Variants in GABRG3 observed in about 807,000 individuals in gnomAD.
GABRG3 encodes the protein gamma-aminobutyric acid type A receptor subunit gamma3, also known as gamma-aminobutyric acid receptor subunit gamma-3.
Under a neutral mutation model 48.8 loss-of-function variants are expected in GABRG3, and 25 were observed. The observed-to-expected ratio is 0.51, with a 90% confidence interval of 0.37 to 0.72. The LOEUF is 0.72. GABRG3 is among the 30% of genes least tolerant of loss of function. The pLI is 0.00. For missense variants in GABRG3, 394 were observed against 577.9 expected (o/e 0.68, Z 3.26); for synonymous variants, 227 against 217.6 (o/e 1.04, Z -0.38).
At chr15:27,187,795 T>G (rs1888145898) in intron 3 of GABRG3, among the ~76,000 whole-genome samples, 1 of 152,078 alleles carries the variant, frequency 6.6e-6, no homozygotes, top group South Asian at 2.1e-4. Context: ...GTTACATATG[T>G]ATACATGTGA....
At chr15:27,417,588 A>G (rs531809475) in intron 5 of GABRG3, among the ~76,000 whole-genome samples, 71 of 152,070 alleles carry the variant, frequency 4.7e-4, no homozygotes, top group African/African-American at 1.7e-3. Context: ...CGGCCTTCAC[A>G]GTGTGTCCGC....
At chr15:27,408,315 T>A (rs1417015567) in intron 5 of GABRG3, among the ~76,000 whole-genome samples, 1 of 152,174 alleles carries the variant, frequency 6.6e-6, no homozygotes, top group Non-Finnish European at 1.5e-5. Flanking sequence ...AGCCCCCAGA[T>A]GTATTGAATA....
intron 3 of GABRG3, among the ~76,000 whole-genome samples, chr15:27,118,218 C>G (rs1368549787): frequency 6.6e-6 from 1 of 152,118 alleles, no homozygotes; most frequent in African/African-American, 2.4e-5. Flanking sequence ...ATTTGTGGTA[C>G]TTCTCAAAAG....
chr15:26,998,457 G>T (rs1046611944), intron 2 of GABRG3, among the ~76,000 whole-genome samples: 2 of 152,150 alleles, frequency 1.3e-5, no homozygotes, highest in Non-Finnish European at 2.9e-5. Flanking sequence ...TGCACAACAG[G>T]CATTGGGGTG....
At chr15:27,096,807 C>T (rs4398085) in intron 3 of GABRG3, among the ~76,000 whole-genome samples, 39,240 of 150,348 alleles carry the variant, frequency 0.26, 5,300 homozygotes, top group Middle Eastern at 0.33. Flanking sequence ...TTGTGAACCA[C>T]ACAAATGAGA....
At chr15:27,000,477 A>G (rs1292999300) in intron 2 of GABRG3, among the ~76,000 whole-genome samples, 5 of 152,152 alleles carry the variant, frequency 3.3e-5, no homozygotes, top group African/African-American at 1.2e-4. Flanking sequence ...CTCATATTCA[A>G]TTGTAATTCC....
At chr15:27,091,851 A>G (rs976868260) in intron 3 of GABRG3, among the ~76,000 whole-genome samples, 12 of 152,194 alleles carry the variant, frequency 7.9e-5, no homozygotes, top group Admixed American at 2.6e-4. Context: ...GAGCTACGGC[A>G]AGCTAAAATC....
At chr15:26,973,099 C>T (rs921812712) in intron 1 of GABRG3, among the ~76,000 whole-genome samples, 1 of 152,204 alleles carries the variant, frequency 6.6e-6, no homozygotes, top group African/African-American at 2.4e-5. Context: ...TTGCCACCAA[C>T]TCAAACGAGT....
rs940168627 is a variant in GABRG3, at chr15:27,233,282, G to A, written c.271-93527G>A. 1.5e-4 allele frequency among the ~76,000 whole-genome samples: 23 copies of A among 152,068 alleles called. 1 individual carries two copies. The highest frequency in any genetic ancestry group is 2.4e-5 in the African/African-American group (1 of 41,402). ...ATTTCGTGGAACCTTTCTAGCGAGC[G>A]TGAAAACCTTTCTAGCGAGCATAAA... On this transcript the variant is annotated intron_variant, in intron 3 of 9. Coordinates refer to ENST00000615808, the MANE Select transcript of GABRG3 (RefSeq NM_033223.5).
intron 3 of GABRG3, among the ~76,000 whole-genome samples, chr15:27,218,215 G>T (rs1889330160): frequency 6.6e-6 from 1 of 151,928 alleles, no homozygotes; most frequent in African/African-American, 2.4e-5. Context: ...TTAAAGATGA[G>T]GTCTCACCAT....
At chr15:27,315,787 A>G (rs1376019988) in intron 3 of GABRG3, among the ~76,000 whole-genome samples, 2 of 152,228 alleles carry the variant, frequency 1.3e-5, no homozygotes, top group Admixed American at 1.3e-4. Context: ...TCTTAGATTT[A>G]TGTGATGATT....
intron 3 of GABRG3, among the ~76,000 whole-genome samples, chr15:27,147,097 T>C (rs1898222840): frequency 6.6e-6 from 1 of 152,050 alleles, no homozygotes; most frequent in South Asian, 2.1e-4. Flanking sequence ...AGAAGTAAGA[T>C]ATACCATGAC....
rs921433304 is a variant in GABRG3, at chr15:27,537,369, G to C, written c.*4488G>C. On this transcript the variant is annotated 3_prime_UTR_variant, in exon 10 of 10. Coordinates refer to ENST00000615808, the MANE Select transcript of GABRG3 (RefSeq NM_033223.5). ...CTTCCAATTTCCCAAAATTGAGAAA[G>C]TGTGTAATCTGTACCTATTTTTTTT... 6.6e-6 allele frequency: 1 copy of C among 152,190 alleles called. No individual in the cohort carries two copies. Among genetic ancestry groups the C allele is most frequent in the East Asian group, 1.9e-4 (1 of 5,188 alleles). 9.4% of individuals were successfully genotyped at this position (152,190 alleles called of 1,614,324 possible).
At chr15:26,985,608 C>G (rs1419669767) in intron 2 of GABRG3, among the ~76,000 whole-genome samples, 1 of 152,060 alleles carries the variant, frequency 6.6e-6, no homozygotes, top group African/African-American at 2.4e-5. Context: ...GGGCCACCTC[C>G]AAGAGGATTG....
intron 5 of GABRG3, among the ~76,000 whole-genome samples, chr15:27,385,972 G>T (rs138877710): frequency 1.3e-5 from 2 of 152,122 alleles, no homozygotes; most frequent in African/African-American, 4.8e-5. Context: ...TGAAAACTGC[G>T]TATTTTAGAT....
intron 3 of GABRG3, among the ~76,000 whole-genome samples, chr15:27,280,868 A>G (rs547042469): frequency 5.3e-5 from 8 of 152,256 alleles, no homozygotes; most frequent in Admixed American, 1.3e-4. Flanking sequence ...TAACCCTTTT[A>G]TATTCTCACT....
intron 3 of GABRG3, among the ~76,000 whole-genome samples, chr15:27,204,379 G>C (rs1888788148): frequency 6.6e-6 from 1 of 151,914 alleles, no homozygotes; most frequent in African/African-American, 2.4e-5. Context: ...TTTATTTCTG[G>C]TTTCTCTGAC....
rs1247959512 is a variant in GABRG3, at chr15:26,980,011, T to C, written c.202+2861T>C. Among the ~76,000 whole-genome samples the C allele has an allele frequency of 2.0e-5, 3 of 152,348 alleles. No homozygotes were observed. The East Asian group carries it at 5.8e-4, about 29-fold the overall frequency. Reference sequence around the variant, plus strand: ...GGAGTTATTTCATTTCCTTAATAAGTCTATTCAAATTATCACTTTCATATT... The same window carrying C: ...GGAGTTATTTCATTTCCTTAATAAGCCTATTCAAATTATCACTTTCATATT... On this transcript the variant is annotated intron_variant, in intron 2 of 9. Coordinates refer to ENST00000615808, the MANE Select transcript of GABRG3 (RefSeq NM_033223.5).
intron 3 of GABRG3, among the ~76,000 whole-genome samples, chr15:27,110,429 G>T (rs1422986866): frequency 3.3e-5 from 5 of 151,858 alleles, no homozygotes; most frequent in African/African-American, 1.2e-4. Context: ...AAACATAAAA[G>T]ATTTTTTTAT....
Sources: allele counts gnomAD v4.1 joint callset (sites outside exome capture counted in the v4.1 genomes callset), GRCh38; gene constraint gnomAD v4.1.1; transcripts MANE v1.5; gene names NCBI Gene and HGNC (gene_info 2026-07-23, HGNC 2026-07-21).